FBXW10B: variants seen among roughly 807,000 people sequenced by gnomAD.
The protein encoded by FBXW10B is F-box and WD repeat domain containing 10B.
At chr17:15,600,832 G>A in the FBXW10B span, among the ~76,000 whole-genome samples, 61 of 149,526 alleles carry the variant, frequency 4.1e-4, 2 homozygotes, top group African/African-American at 1.4e-3. Flanking sequence ...GGCAGATCAC[G>A]AGGTCAGGAG....
chr17:15,602,388 AT>A, the FBXW10B span, among the ~76,000 whole-genome samples: 1 of 152,116 alleles, frequency 6.6e-6, no homozygotes, highest in Non-Finnish European at 1.5e-5. Context: ...CACATTATTC[AT>A]TTATGAATAA....
chr17:15,596,902 A>G, the FBXW10B span, among the ~76,000 whole-genome samples: 1 of 152,076 alleles, frequency 6.6e-6, no homozygotes, highest in African/African-American at 2.4e-5. Context: ...AATCCAGAAG[A>G]CCTTGGCTAT....
chr17:15,598,680 G>C, the FBXW10B span: 1 of 1,600,630 alleles, frequency 6.2e-7, no homozygotes. Flanking sequence ...AAAAGAATGT[G>C]AGAGTTCCTG....
the FBXW10B span, among the ~76,000 whole-genome samples, chr17:15,597,480 A>T: frequency 1.3e-5 from 2 of 151,448 alleles, no homozygotes; most frequent in South Asian, 2.1e-4. Flanking sequence ...AAAAAAAAAA[A>T]AAATTAGCTG....
At chr17:15,619,122 ACTGGGTG>A in the FBXW10B span, 2 of 1,613,986 alleles carry the variant, frequency 1.2e-6, no homozygotes, top group Non-Finnish European at 1.7e-6. Flanking sequence ...GCCTTGGTCC[ACTGGGTG>A]CTGTTCGCAA....
At chr17:15,598,463 A>G in the FBXW10B span, 19 of 1,611,888 alleles carry the variant, frequency 1.2e-5, no homozygotes, top group Non-Finnish European at 1.6e-5. Context: ...AAATGAGCAA[A>G]ACAAAGCATT....
At chr17:15,579,037 C>T in the FBXW10B span, among the ~76,000 whole-genome samples, 8 of 151,496 alleles carry the variant, frequency 5.3e-5, no homozygotes, top group Non-Finnish European at 8.8e-5. Context: ...GTCTCTGCAC[C>T]GAACATCATG....
chr17:15,609,750 C>T, the FBXW10B span, among the ~76,000 whole-genome samples: 3 of 151,900 alleles, frequency 2.0e-5, no homozygotes, highest in African/African-American at 7.3e-5. Context: ...TCCGCTTTTC[C>T]CAGGAGACTC....
chr17:15,594,786 C>A, the FBXW10B span: 2 of 1,613,976 alleles, frequency 1.2e-6, no homozygotes, highest in Non-Finnish European at 1.7e-6. Context: ...GCTCGTACTT[C>A]CCCACCATGC....
At chr17:15,583,271 G>A in the FBXW10B span, among the ~76,000 whole-genome samples, 1 of 120,608 alleles carries the variant, frequency 8.3e-6, no homozygotes, top group Non-Finnish European at 1.8e-5. Flanking sequence ...TGTTCCCACT[G>A]CCTGCAACTC....
At chr17:15,609,457 T>C in the FBXW10B span, among the ~76,000 whole-genome samples, 1 of 152,038 alleles carries the variant, frequency 6.6e-6, no homozygotes, top group Non-Finnish European at 1.5e-5. Context: ...GAGAATTCAT[T>C]GGCCCTTGCT....
chr17:15,592,049 C>G, the FBXW10B span, among the ~76,000 whole-genome samples: 1 of 152,282 alleles, frequency 6.6e-6, no homozygotes, highest in South Asian at 2.1e-4. Context: ...CCTTTCTGTG[C>G]TCTTCCCTTA....
At chr17:15,583,482 C>A in the FBXW10B span, among the ~76,000 whole-genome samples, 1 of 148,698 alleles carries the variant, frequency 6.7e-6, no homozygotes, top group Admixed American at 7.0e-5. Flanking sequence ...GCCCCCAGGA[C>A]AAGGACCACA....
the FBXW10B span, chr17:15,596,705 A>C: frequency 4.4e-6 from 7 of 1,589,380 alleles, no homozygotes; most frequent in Non-Finnish European, 6.0e-6. Flanking sequence ...AGTGGGGAAA[A>C]AGGGGGAAAA....
the FBXW10B span, among the ~76,000 whole-genome samples, chr17:15,589,759 T>C: frequency 6.6e-6 from 1 of 151,876 alleles, no homozygotes; most frequent in Non-Finnish European, 1.5e-5. Flanking sequence ...CTGCAATATA[T>C]GTAAGTACAT....
At chr17:15,566,192 G>C in the FBXW10B span, 1 of 1,612,188 alleles carries the variant, frequency 6.2e-7, no homozygotes, top group Non-Finnish European at 8.5e-7. Context: ...GGCCTACAGG[G>C]ATAGGCAAAT....
the FBXW10B span, chr17:15,615,809 C>T: frequency 6.2e-7 from 1 of 1,613,652 alleles, no homozygotes; most frequent in South Asian, 1.1e-5. Flanking sequence ...TTGATTGAGC[C>T]CTGAAACACA....
the FBXW10B span, among the ~76,000 whole-genome samples, chr17:15,584,393 A>G: frequency 1.3e-5 from 2 of 152,218 alleles, no homozygotes; most frequent in Non-Finnish European, 2.9e-5. Context: ...TTAAGTAGTT[A>G]TATCATTGGA....
At chr17:15,601,143 C>A in the FBXW10B span, among the ~76,000 whole-genome samples, 3 of 149,924 alleles carry the variant, frequency 2.0e-5, no homozygotes, top group Non-Finnish European at 4.4e-5. Context: ...GGTGCAGTAG[C>A]TCACGCCTGT....
Sources: gnomAD v4.1 joint callset for allele counts (sites outside exome capture counted in the v4.1 genomes callset) on GRCh38, gnomAD v4.1.1 for gene constraint, MANE v1.5 for transcripts, NCBI Gene and HGNC (gene_info 2026-07-23, HGNC 2026-07-21) for gene names.